Variants in SCYGR6 observed in about 807,000 individuals in gnomAD.
The protein encoded by SCYGR6 is small cysteine and glycine repeat containing 6.
chr2:227,724,499 A>ACAGCC lies in SCYGR6; in HGVS notation c.258_259insGGCTG (p.Cys87GlyfsTer?), dbSNP rs1696525513. 2.5e-6 allele frequency: 1 copy of ACAGCC among 396,390 alleles called. No homozygotes were observed. Among genetic ancestry groups the ACAGCC allele is most frequent in the African/African-American group, 2.1e-5 (1 of 47,176 alleles). 24.6% of individuals were successfully genotyped at this position (396,390 alleles called of 1,614,324 possible). ...TGCTGACAGCAGCCCTTCTGCTGGC[A>ACAGCC]ACAGCCCTTCCCACAGCCACAGCCG... On this transcript the variant is annotated frameshift_variant, in exon 1 of 1. Coordinates refer to ENST00000641918, the Ensembl canonical transcript of SCYGR6. LOFTEE classifies it high-confidence loss of function.
rs1399265644 is a variant in SCYGR6 at position 227,724,457 on chromosome 2, TCTTGCAGCAGCCCTTCTG to T, written c.283_300del (p.Gln95_Lys100del). The T allele has an allele frequency of 1.5e-5, 6 of 394,876 alleles. No individual in the cohort carries two copies. In the East Asian group the frequency reaches 1.6e-4, roughly 10 times the overall value. 24.5% of individuals were successfully genotyped at this position (394,876 alleles called of 1,614,324 possible). A position where few individuals can be genotyped will look rare whatever the true frequency, so the allele number is the denominator to read the frequency against. On this transcript the variant is annotated inframe_deletion, in exon 1 of 1. Transcript: ENST00000641918. ...TGGCCCGCCTAGCAGCAGCATTGCT[TCTTGCAGCAGCCCTTCTG>T]CTGACAGCAGCCCTTCTGCTGGCAA...
exon 1 of SCYGR6, chr2:227,724,598 G>A (rs996138375): frequency 3.8e-5 from 15 of 398,756 alleles, no homozygotes; most frequent in African/African-American, 8.2e-5. Flanking sequence ...CAGCAGCCGC[G>A]GCAGCAGGGG....
chr2:227,724,713 G>A (rs1178441158), exon 1 of SCYGR6: 20 of 410,416 alleles, frequency 4.9e-5, no homozygotes, highest in Admixed American at 8.8e-5. Flanking sequence ...CACCACCGCA[G>A]CCACCGCAGC....
chr2:227,724,657 C>T, exon 1 of SCYGR6: 1 of 403,788 alleles, frequency 2.5e-6, no homozygotes. Flanking sequence ...GGTGGTGCAG[C>T]TGCCACAGCC....
chr2:227,724,491 CTG>C lies in SCYGR6; in HGVS notation c.265_266del (p.Gln89GlufsTer?), dbSNP rs1696525256. On this transcript the variant is annotated frameshift_variant, in exon 1 of 1. Coordinates refer to ENST00000641918, the Ensembl canonical transcript of SCYGR6. LOFTEE classifies it high-confidence loss of function. ...AGCCCTTCTGCTGACAGCAGCCCTT[CTG>C]CTGGCAACAGCCCTTCCCACAGCCA... 1 of 396,510 alleles carries C rather than the reference CTG, an allele frequency of 2.5e-6. No individual in the cohort carries two copies. The highest frequency in any genetic ancestry group is 2.1e-5 in the African/African-American group (1 of 47,428). 24.6% of individuals were successfully genotyped at this position (396,510 alleles called of 1,614,324 possible).
At position 227,724,707 on chromosome 2, in the gene SCYGR6, A is replaced by G. The variant is rs375879414; in HGVS notation, c.51T>C (p.Gly17=). The stretch of plus-strand genomic sequence containing the variant: ...CACCACAGCCACCACTGCAGCCACC[A>G]CCGCAGCCACCGCAGCCACCACCGC... The change falls in exon 1 of 1, where the codon GGT becomes GGC. Residue 17 remains glycine (G), a synonymous_variant. Transcript: ENST00000641918. 3,070 of 410,582 alleles carry G rather than the reference A, an allele frequency of 7.5e-3. 81 individuals carry two copies. The highest frequency in any genetic ancestry group is 0.057 in the African/African-American group (2,774 of 48,722). 25.4% of individuals were successfully genotyped at this position (410,582 alleles called of 1,614,324 possible).
exon 1 of SCYGR6, chr2:227,724,628 C>T (rs894515021): frequency 5.0e-6 from 2 of 400,276 alleles, no homozygotes; most frequent in Non-Finnish European, 8.8e-6. Flanking sequence ...GAGCAGCAGC[C>T]CACCCGGTAG....
chr2:227,724,699 C>T (rs1296787227), exon 1 of SCYGR6: 3 of 411,672 alleles, frequency 7.3e-6, no homozygotes, highest in Admixed American at 8.7e-5. Flanking sequence ...GCCACCACTG[C>T]AGCCACCACC....
At chr2:227,724,455 C>T (rs935703512) in exon 1 of SCYGR6, 5 of 398,694 alleles carry the variant, frequency 1.3e-5, no homozygotes, top group Middle Eastern at 6.2e-4. Flanking sequence ...AGCAGCATTG[C>T]TTCTTGCAGC....
exon 1 of SCYGR6, chr2:227,724,662 A>ACAGCCACCACCACAGCCACCACCG: frequency 2.5e-6 from 1 of 404,020 alleles, no homozygotes; most frequent in Non-Finnish European, 4.3e-6. Flanking sequence ...TGCAGCTGCC[A>ACAGCCACCACCACAGCCACCACCG]CAGCCACCAC....
At chr2:227,724,638 G>C in exon 1 of SCYGR6, 2 of 401,120 alleles carry the variant, frequency 5.0e-6, no homozygotes, top group Non-Finnish European at 8.8e-6. Context: ...CCACCCGGTA[G>C]CACCTGCAGG....
exon 1 of SCYGR6, chr2:227,724,569 C>A (rs867536975): frequency 1.1e-4 from 42 of 398,558 alleles, no homozygotes; most frequent in East Asian, 5.4e-4. Flanking sequence ...AGATCACGGG[C>A]GTGCTGCAGC....
At chr2:227,724,509 C>T (rs1696525726) in exon 1 of SCYGR6, 1 of 398,910 alleles carries the variant, frequency 2.5e-6, no homozygotes, top group Non-Finnish European at 4.4e-6. Context: ...AACAGCCCTT[C>T]CCACAGCCAC....
At chr2:227,724,593 G>A in exon 1 of SCYGR6, 1 of 399,154 alleles carries the variant, frequency 2.5e-6, no homozygotes, top group East Asian at 3.6e-5. Flanking sequence ...CTCCACAGCA[G>A]CCGCGGCAGC....
exon 1 of SCYGR6, chr2:227,724,696 C>T (rs78126605): frequency 2.4e-6 from 1 of 412,002 alleles, no homozygotes; most frequent in Non-Finnish European, 4.2e-6. Flanking sequence ...ACAGCCACCA[C>T]TGCAGCCACC....
exon 1 of SCYGR6, chr2:227,724,479 ACAGCAGCCCTTCTGCTGG>A (rs1056597403): frequency 2.6e-4 from 100 of 379,460 alleles, no homozygotes; most frequent in South Asian, 6.6e-4. Context: ...CCTTCTGCTG[ACAGCAGCCCTTCTGCTGG>A]CAACAGCCCT....
At position 227,724,549 on chromosome 2, in the gene SCYGR6, C is replaced by T. The variant is rs566166995; in HGVS notation, c.209G>A (p.Arg70His). ...GCAGCCACATGAGTGGCAGGTGCGGCGGCAGCAACAGATCACGGGCGTGCT... is the reference window on the plus strand; with the variant it reads ...GCAGCCACATGAGTGGCAGGTGCGGTGGCAGCAACAGATCACGGGCGTGCT... Residue 70 changes from arginine to histidine, a missense_variant, in exon 1 of 1, where the codon CGC (arginine) becomes CAC (histidine). Coordinates refer to ENST00000641918, the Ensembl canonical transcript of SCYGR6. The T allele has an allele frequency of 4.9e-4, 197 of 398,690 alleles. 2 individuals carry two copies. Among genetic ancestry groups the T allele is most frequent in the Non-Finnish European group, 7.2e-4 (162 of 226,216 alleles). The allele number at this position is 398,690 out of a possible 1,614,324, so 24.7% of individuals were successfully genotyped here. A position where few individuals can be genotyped will look rare whatever the true frequency, so the allele number is the denominator to read the frequency against.
chr2:227,724,697 T>C (rs373196487), exon 1 of SCYGR6: 155 of 409,956 alleles, frequency 3.8e-4, no homozygotes, highest in South Asian at 7.9e-4. Flanking sequence ...CAGCCACCAC[T>C]GCAGCCACCA....
At chr2:227,724,607 G>C in exon 1 of SCYGR6, 1 of 399,174 alleles carries the variant, frequency 2.5e-6, no homozygotes, top group Non-Finnish European at 4.4e-6. Flanking sequence ...CGGCAGCAGG[G>C]GCAGCAGCTG....
Sources: gnomAD v4.1 joint callset for allele counts on GRCh38, gnomAD v4.1.1 for gene constraint, MANE v1.5 for transcripts, NCBI Gene and HGNC (gene_info 2026-07-23, HGNC 2026-07-21) for gene names.